EGF: variants seen among roughly 807,000 people sequenced by gnomAD.
The protein encoded by EGF is pro-epidermal growth factor.
EGF carries 95 observed loss-of-function variants against 143.8 expected under a neutral mutation model. That is an observed-to-expected ratio of 0.66 (90% CI 0.56 to 0.78). The LOEUF is 0.78. Among genes scored for constraint, EGF ranks in the 30% least tolerant of loss-of-function variants. EGF has a pLI of 0.00. For missense variants in EGF, 1,320 were observed against 1,470.9 expected (o/e 0.90, Z 1.68); for synonymous variants, 510 against 510.5 (o/e 1.00, Z 0.01).
Position 109,943,259 on chromosome 4 carries a change from A to G in EGF, c.333A>G (p.Val111=), listed in dbSNP as rs555212460. The G allele has an allele frequency of 6.2e-7, 1 of 1,600,526 alleles. No individual in the cohort carries two copies. The highest frequency in any genetic ancestry group is 8.5e-7 in the Non-Finnish European group (1 of 1,173,066). ...VFLNGSRQER[V]CNIEKNVSGM... ...TTTAAAATTTGATTTTGCAGAGAGT[A>G]TGTAATATAGAGAAAAATGTTTCTG... is the stretch of plus-strand genomic sequence containing the variant. Residue 111 remains valine, a synonymous_variant, in exon 3 of 24, where the codon GTA becomes GTG. Coordinates refer to ENST00000265171, the MANE Select transcript of EGF (RefSeq NM_001963.6).
At position 109,945,371 on chromosome 4, in the gene EGF, T is replaced by A. The variant is rs77156787; in HGVS notation, c.940+96T>A. On this transcript the variant is annotated intron_variant, in intron 5 of 23. Transcript: ENST00000265171. Reference sequence around the variant, plus strand: ...ATGAGGCGTTGTAGGGGAAAAAAAATTTTTTTCTTCAACCCTCATATATTC... The same window carrying A: ...ATGAGGCGTTGTAGGGGAAAAAAAAATTTTTTCTTCAACCCTCATATATTC... 4.3e-5 allele frequency: 53 copies of A among 1,243,164 alleles called. No homozygotes were observed. The Admixed American group carries it at 8.7e-4, about 20-fold the overall frequency. 77.0% of individuals were successfully genotyped at this position (1,243,164 alleles called of 1,614,324 possible).
At chr4:109,973,707 C>G (rs1174487102) in intron 11 of EGF, among the ~76,000 whole-genome samples, 1 of 151,908 alleles carries the variant, frequency 6.6e-6, no homozygotes, top group African/African-American at 2.4e-5. Flanking sequence ...TCCCTCTGTT[C>G]CTGTTGAACT....
At chr4:109,937,318 C>G (rs10017564) in intron 1 of EGF, among the ~76,000 whole-genome samples, 79,334 of 150,326 alleles carry the variant, frequency 0.53, 22,896 homozygotes, top group African/African-American at 0.76. Flanking sequence ...ATCTTTGTTT[C>G]TCTAAAGTCT....
In EGF at chr4:110,004,620, T is replaced by C; in HGVS notation, c.3289T>C (p.Trp1097Arg). The C allele has an allele frequency of 6.2e-7, 1 of 1,613,804 alleles. No homozygotes were observed. Among genetic ancestry groups the C allele is most frequent in the Non-Finnish European group, 8.5e-7 (1 of 1,179,758 alleles). The change falls in exon 22 of 24, where the codon TGG (tryptophan) becomes CGG (arginine). Residue 1097 changes from tryptophan (W) to arginine (R), a missense_variant and splice_region_variant. Trp to Arg is a moderately radical substitution (Grantham distance 101). Transcript: ENST00000265171. ...TGGGATGTCCTCTTGCCCTCAACCTTGGGTAATGTGACCAAAGCAGATGAA... is the reference window on the plus strand; with the variant it reads ...TGGGATGTCCTCTTGCCCTCAACCTCGGGTAATGTGACCAAAGCAGATGAA... ...EDGMSSCPQP[W>R]FVVIKEHQDL...
At chr4:109,946,993 T>A (rs1357194912) in intron 5 of EGF, among the ~76,000 whole-genome samples, 1 of 151,946 alleles carries the variant, frequency 6.6e-6, no homozygotes, top group Non-Finnish European at 1.5e-5. Flanking sequence ...GTGGCGCATG[T>A]CTGTAGTCCC....
chr4:109,922,425 G>A (rs886421830), intron 1 of EGF, among the ~76,000 whole-genome samples: 10 of 151,660 alleles, frequency 6.6e-5, no homozygotes, highest in African/African-American at 2.4e-4. Flanking sequence ...CTGACATGTT[G>A]TCTTCTGAGA....
At chr4:110,001,514 C>A in intron 21 of EGF, 1 of 583,092 alleles carries the variant, frequency 1.7e-6, no homozygotes, top group South Asian at 7.6e-5. Flanking sequence ...CCCATTGGAT[C>A]ATTGCCAAAG....
intron 13 of EGF, 83 bp downstream of exon 13, chr4:109,976,318 C>T: frequency 5.9e-6 from 7 of 1,176,842 alleles, no homozygotes; most frequent in Non-Finnish European, 8.7e-6. Context: ...CACACACACA[C>T]ATACCACTTA....
At chr4:109,990,756 C>T (rs1406300753) in intron 18 of EGF, among the ~76,000 whole-genome samples, 1 of 152,064 alleles carries the variant, frequency 6.6e-6, no homozygotes. Flanking sequence ...TCTCATATGG[C>T]CTTCCCTCTT....
At position 109,960,942 on chromosome 4, in the gene EGF, C is replaced by A. The variant is rs781754383; in HGVS notation, c.1142C>A (p.Thr381Lys). 8.1e-6 allele frequency: 13 copies of A among 1,613,762 alleles called. No individual in the cohort carries two copies. The highest frequency in any genetic ancestry group is 1.3e-5 in the African/African-American group (1 of 74,898). ...CKNTPGSYYC[T>K]CPVGFVLLPD... is the part of the protein sequence containing the mutation. Reference sequence around the variant, plus strand: ...AACACCCCTGGATCCTATTACTGCACGTGCCCTGTAGGATTTGTTCTGCTT... The same window carrying A: ...AACACCCCTGGATCCTATTACTGCAAGTGCCCTGTAGGATTTGTTCTGCTT... Residue 381 changes from threonine (T) to lysine (K), a missense_variant, in exon 7 of 24, where the codon ACG becomes AAG. Thr to Lys is a moderately conservative substitution (Grantham distance 78). Coordinates refer to ENST00000265171, the MANE Select transcript of EGF (RefSeq NM_001963.6).
At chr4:109,938,182 T>C (rs992295422) in intron 1 of EGF, among the ~76,000 whole-genome samples, 3 of 152,220 alleles carry the variant, frequency 2.0e-5, no homozygotes, top group Non-Finnish European at 2.9e-5. Flanking sequence ...TTTCACATAG[T>C]TCCATATTTC....
intron 5 of EGF, among the ~76,000 whole-genome samples, chr4:109,955,613 A>G (rs929052357): frequency 1.3e-5 from 2 of 152,190 alleles, no homozygotes; most frequent in Admixed American, 6.5e-5. Flanking sequence ...CATCAGCAGC[A>G]TGGTATAGTG....
chr4:109,965,497 A>G (rs1746407242), intron 10 of EGF, among the ~76,000 whole-genome samples: 1 of 152,174 alleles, frequency 6.6e-6, no homozygotes, highest in Non-Finnish European at 1.5e-5. Context: ...GAACAGTTAC[A>G]ATAACAGAAA....
chr4:109,968,331 C>A (rs1230900809), intron 10 of EGF, among the ~76,000 whole-genome samples: 4 of 152,008 alleles, frequency 2.6e-5, no homozygotes, highest in African/African-American at 9.7e-5. Context: ...AGCAATCAAG[C>A]AAATAAGTGA....
chr4:109,942,843 G>A (rs901384958), intron 2 of EGF, among the ~76,000 whole-genome samples: 2 of 152,180 alleles, frequency 1.3e-5, no homozygotes, highest in African/African-American at 4.8e-5. Flanking sequence ...CAGACTCCAA[G>A]GAAATCTTGC....
chr4:109,983,463 A>G lies in EGF; in HGVS notation c.2413A>G (p.Ile805Val), dbSNP rs1351896784. ...AAAGAACCAAGTAACACCATTGGAC[A>G]TCTTGTCCAAGACTAGAGTGTCAGA... ...DLKNQVTPLD[I>V]LSKTRVSEDN... The change falls in exon 16 of 24, where the codon ATC becomes GTC. Residue 805 changes from isoleucine (I) to valine (V), a missense_variant. By Grantham distance (29) the Ile-to-Val change is conservative. Transcript: ENST00000265171. 2 of 1,613,648 alleles carry G rather than the reference A, an allele frequency of 1.2e-6. No homozygotes were observed. Among genetic ancestry groups the G allele is most frequent in the African/African-American group, 1.3e-5 (1 of 74,918 alleles).
rs1475880436 is a variant in EGF, at chr4:110,011,265, G to T, written c.3434G>T (p.Gly1145Val). 3 of 1,614,208 alleles carry T rather than the reference G, an allele frequency of 1.9e-6. No homozygotes were observed. Among genetic ancestry groups the T allele is most frequent in the Non-Finnish European group, 2.5e-6 (3 of 1,180,032 alleles). The change falls in exon 24 of 24, where the codon GGC becomes GTC. Residue 1145 changes from glycine to valine, a missense_variant. By Grantham distance (109) the Gly-to-Val change is moderately radical. Transcript: ENST00000265171. ...TTATGTGGAATGGGCACAGAGCAAGGCTGCTGGATTCCAGTATCCAGTGAT... is the reference window on the plus strand; with the variant it reads ...TTATGTGGAATGGGCACAGAGCAAGTCTGCTGGATTCCAGTATCCAGTGAT... ...PQLCGMGTEQGCWIPVSSDKG... is the reference protein window; with the variant it reads ...PQLCGMGTEQVCWIPVSSDKG...
At chr4:109,971,233 CCAGTGT>C (rs1326596241) in intron 11 of EGF, among the ~76,000 whole-genome samples, 1 of 152,100 alleles carries the variant, frequency 6.6e-6, no homozygotes, top group Admixed American at 6.5e-5. Flanking sequence ...CCGCCCCAAG[CCAGTGT>C]GGATTTAACA....
intron 1 of EGF, among the ~76,000 whole-genome samples, chr4:109,930,463 A>T (rs78978513): frequency 6.6e-6 from 1 of 152,072 alleles, no homozygotes; most frequent in Non-Finnish European, 1.5e-5. Flanking sequence ...GTGTCACTGA[A>T]GTTTTTGAGG....
Sources: gnomAD v4.1 joint callset for allele counts (sites outside exome capture counted in the v4.1 genomes callset) on GRCh38, gnomAD v4.1.1 for gene constraint, MANE v1.5 for transcripts, NCBI Gene and HGNC (gene_info 2026-07-23, HGNC 2026-07-21) for gene names.